The following PTPRS variants were observed in gnomAD, a reference collection of about 807,000 sequenced individuals.
The protein encoded by PTPRS is protein tyrosine phosphatase receptor type S.
A neutral mutation model predicts 215.3 loss-of-function variants in PTPRS; 63 were observed. That is an observed-to-expected ratio of 0.29 (90% confidence interval 0.24 to 0.36). The LOEUF (loss-of-function observed/expected upper bound fraction) is 0.36. Among genes scored for constraint, PTPRS ranks in the 10% least tolerant of loss-of-function variants. PTPRS has a pLI of 1.00. For synonymous variants in PTPRS, 1,404 were observed against 1,191.4 expected, an observed-to-expected ratio of 1.18 and a Z score of -3.68; for missense variants, 2,258 against 2,825.8, an observed-to-expected ratio of 0.80 and a Z score of 4.56.
At chr19:5,331,904 C>G (rs1342708436) in intron 1 of PTPRS, among the ~76,000 whole-genome samples, 1 of 152,212 alleles carries the variant, frequency 6.6e-6, no homozygotes, top group African/African-American at 2.4e-5. Flanking sequence ...GTTCTCAGCA[C>G]TCTCTGTAAG....
intron 7 of PTPRS, among the ~76,000 whole-genome samples, chr19:5,258,538 AG>A (rs1372484054): frequency 6.6e-6 from 1 of 152,182 alleles, no homozygotes; most frequent in Non-Finnish European, 1.5e-5. Context: ...CAGGGACCTG[AG>A]GGGGCCCACC....
At chr19:5,234,301 T>A (rs1324522245) in intron 13 of PTPRS, among the ~76,000 whole-genome samples, 3 of 152,214 alleles carry the variant, frequency 2.0e-5, no homozygotes, top group Non-Finnish European at 2.9e-5. Flanking sequence ...CTTGAGCACC[T>A]ACTGTGTGCC....
intron 22 of PTPRS, 41 bp downstream of exon 22, chr19:5,219,896 CAG>C (rs1568392686): frequency 1.3e-6 from 2 of 1,595,362 alleles, no homozygotes; most frequent in Non-Finnish European, 1.7e-6. Context: ...CTGCCTCATT[CAG>C]AGGTGTGTCT....
intron 6 of PTPRS, 84 bp from the exon 7 acceptor site, chr19:5,260,906 C>T: frequency 6.6e-7 from 1 of 1,512,672 alleles, no homozygotes; most frequent in Non-Finnish European, 9.1e-7. Context: ...CTGGGCTGGG[C>T]CGTAAGCCAG....
chr19:5,253,334 AAAAT>A lies in PTPRS; in HGVS notation c.718+2770_718+2773del, dbSNP rs746589066. On this transcript the variant is annotated intron_variant, in intron 9 of 37. Transcript: ENST00000262963. ...CAAAGCTGGAGATCTGTCAGTTTAG[AAAAT>A]AAATAAGAGTGAGATTAGGGGTTGC... 1.2e-4 allele frequency among the ~76,000 whole-genome samples: 18 copies of A among 152,348 alleles called. No homozygotes were observed. In the East Asian group the frequency reaches 2.5e-3, roughly 21 times the overall value.
At chr19:5,264,725 T>C (rs1196671516) in intron 5 of PTPRS, among the ~76,000 whole-genome samples, 1 of 152,128 alleles carries the variant, frequency 6.6e-6, no homozygotes, top group Non-Finnish European at 1.5e-5. Context: ...CCCATCCTTG[T>C]GCATGTCTGC....
chr19:5,321,498 A>C (rs922824188), intron 1 of PTPRS, among the ~76,000 whole-genome samples: 34 of 152,332 alleles, frequency 2.2e-4, no homozygotes, highest in African/African-American at 6.7e-4. Context: ...AGCTAATGCT[A>C]AATTCACTAA....
intron 2 of PTPRS, among the ~76,000 whole-genome samples, chr19:5,278,910 G>T (rs1309499188): frequency 1.3e-5 from 2 of 151,980 alleles, no homozygotes; most frequent in Admixed American, 6.6e-5. Flanking sequence ...GAAAAAAGGG[G>T]TTGGGCATGG....
chr19:5,312,039 C>T (rs1270156860), intron 1 of PTPRS, among the ~76,000 whole-genome samples: 2 of 148,788 alleles, frequency 1.3e-5, no homozygotes, highest in Admixed American at 1.3e-4. Flanking sequence ...GAGACTCCGT[C>T]TCAAAAAAAA....
At chr19:5,326,975 T>A (rs1340599196) in intron 1 of PTPRS, among the ~76,000 whole-genome samples, 1 of 151,644 alleles carries the variant, frequency 6.6e-6, no homozygotes. Context: ...ACCTAGAGAG[T>A]CACAACTGAC....
chr19:5,323,877 G>A (rs2050098463), intron 1 of PTPRS, among the ~76,000 whole-genome samples: 2 of 152,196 alleles, frequency 1.3e-5, no homozygotes, highest in African/African-American at 4.8e-5. Context: ...AGAGGTGACC[G>A]TGTTGGTCCA....
intron 22 of PTPRS, among the ~76,000 whole-genome samples, chr19:5,219,693 C>G (rs1463718446): frequency 6.6e-6 from 1 of 152,238 alleles, no homozygotes; most frequent in African/African-American, 2.4e-5. Context: ...GACCTTTGCA[C>G]ATGCAAATCC....
At chr19:5,337,547 C>T (rs1054800863) in intron 1 of PTPRS, among the ~76,000 whole-genome samples, 5 of 152,236 alleles carry the variant, frequency 3.3e-5, no homozygotes, top group Non-Finnish European at 5.9e-5. Context: ...CGCTGTTCAA[C>T]GCCAACCCCG....
At chr19:5,223,352 G>C in intron 17 of PTPRS, 55 bp from the exon 18 acceptor site, 1 of 1,407,488 alleles carries the variant, frequency 7.1e-7, no homozygotes, top group Non-Finnish European at 9.2e-7. Flanking sequence ...CAGCCCAGAG[G>C]CACAAGGTGG....
At chr19:5,260,624 AG>A (rs2045913456) in intron 7 of PTPRS, among the ~76,000 whole-genome samples, 180 bp downstream of exon 7, 1 of 152,124 alleles carries the variant, frequency 6.6e-6, no homozygotes, top group Non-Finnish European at 1.5e-5. Flanking sequence ...GGCCACATTC[AG>A]CCCCCTGGCC....
chr19:5,223,397 A>T, intron 17 of PTPRS, 100 bp from the exon 18 acceptor site: 9 of 1,278,762 alleles, frequency 7.0e-6, no homozygotes, highest in Non-Finnish European at 9.0e-6. Context: ...TCAATATAAC[A>T]TTTTTTTGAG....
intron 1 of PTPRS, among the ~76,000 whole-genome samples, chr19:5,335,203 G>T (rs1462418909): frequency 6.6e-6 from 1 of 152,196 alleles, no homozygotes; most frequent in Non-Finnish European, 1.5e-5. Context: ...TACCCCTCTG[G>T]GTGTCCAGGA....
intron 1 of PTPRS, among the ~76,000 whole-genome samples, chr19:5,291,523 C>A (rs550771752): frequency 1.3e-5 from 2 of 152,214 alleles, no homozygotes; most frequent in African/African-American, 4.8e-5. Flanking sequence ...CACACACCCA[C>A]GGGGGCTCCC....
Position 5,214,668 on chromosome 19 carries a change from C to A in PTPRS, c.4387G>T (p.Ala1463Ser), listed in dbSNP as rs1466270055. Reference sequence around the variant, plus strand: ...GTCTCAGGCAGCGGCCCCTGCGTGGCAATGTACGCGTTCTGACACCGGTAG... The same window carrying A: ...GTCTCAGGCAGCGGCCCCTGCGTGGAAATGTACGCGTTCTGACACCGGTAG... ...DGYRCQNAYI[A>S]TQGPLPETFG... The change falls in exon 29 of 38, where the codon GCC becomes TCC. Residue 1463 changes from alanine (A) to serine (S), a missense_variant. Ala to Ser is a moderately conservative substitution (Grantham distance 99). This residue lies in a region of PTPRS where 927 missense variants were observed against 1,125.9 expected (regional missense o/e 0.82). Coordinates refer to ENST00000262963, the MANE Select transcript of PTPRS (RefSeq NM_002850.4). 1.2e-6 allele frequency: 2 copies of A among 1,613,162 alleles called. No individual in the cohort carries two copies. The highest frequency in any genetic ancestry group is 1.7e-5 in the Admixed American group (1 of 60,024).
Sources: allele counts gnomAD v4.1 joint callset (sites outside exome capture counted in the v4.1 genomes callset), GRCh38; gene constraint gnomAD v4.1.1; regional missense constraint gnomAD v4.1.1; transcripts MANE v1.5; gene names NCBI Gene and HGNC (gene_info 2026-07-23, HGNC 2026-07-21).